The following DTNA variants were observed in gnomAD, a reference collection of about 807,000 sequenced individuals.
DTNA encodes the protein dystrobrevin alpha, also known as dystrophin-related protein 3.
Under a neutral mutation model 100.7 loss-of-function variants are expected in DTNA, and 43 were observed. The ratio of observed to expected loss-of-function variants is 0.43; its 90% CI spans 0.33 to 0.55. The LOEUF is 0.55. DTNA is among the 20% of genes least tolerant of loss of function. The probability of loss-of-function intolerance (pLI) is 0.04; values close to 1 mark genes in which losing one functional copy is unlikely to be tolerated. For synonymous variants in DTNA, 349 were observed against 347.9 expected, an observed-to-expected ratio of 1.00 and a Z score of -0.04; for missense variants, 798 against 953.9, an observed-to-expected ratio of 0.84 and a Z score of 2.15.
At chr18:34,494,093 G>A (rs992663408) in intron 1 of DTNA, 1 of 151,872 alleles carries the variant, frequency 6.6e-6, no homozygotes, top group Admixed American at 6.6e-5. Flanking sequence ...CCGCTCGGGG[G>A]GTGGCTATGG....
At chr18:34,705,964 C>T (rs61132350), upstream of DTNA, among the ~76,000 whole-genome samples, 1,173 of 151,520 alleles carry the variant, frequency 7.7e-3, 11 homozygotes, top group African/African-American at 0.026. Context: ...ATTTTTTTTT[C>T]GAGATGGAGT....
In DTNA at chr18:34,500,772, A is replaced by G. The variant is rs559071697; in HGVS notation, c.-2+7258A>G. ...AGCCACCACGCCCGGCCAGTTCTAT[A>G]TTTTTTTGACGAATCATAGTTGAGT... On this transcript the variant is annotated intron_variant, in intron 1 of 19. Coordinates refer to the DTNA transcript ENST00000283365. Among the ~76,000 whole-genome samples, 5 of 152,008 alleles carry G rather than the reference A, an allele frequency of 3.3e-5. No homozygotes were observed. In the South Asian group the frequency reaches 1.0e-3, roughly 32 times the overall value.
chr18:34,550,946 A>T (rs567674870), intron 1 of DTNA, among the ~76,000 whole-genome samples: 29 of 152,294 alleles, frequency 1.9e-4, no homozygotes, highest in African/African-American at 7.0e-4. Flanking sequence ...CATTGATGAC[A>T]TTGCATTCTG....
At chr18:34,821,117 T>A (rs1454672203) in intron 9 of DTNA, 7 of 732,196 alleles carry the variant, frequency 9.6e-6, no homozygotes, top group Non-Finnish European at 1.7e-5. Flanking sequence ...AAGTAAAGTA[T>A]GCAACACTAA....
At chr18:34,493,894 A>C (rs2038845068) in intron 1 of DTNA, 1 of 147,438 alleles carries the variant, frequency 6.8e-6, no homozygotes, top group Non-Finnish European at 1.5e-5. Flanking sequence ...AGCGCGAAGC[A>C]TGTGCCGGGC....
At chr18:34,517,629 C>CTA (rs1391145573) in intron 1 of DTNA, among the ~76,000 whole-genome samples, 1 of 152,060 alleles carries the variant, frequency 6.6e-6, no homozygotes, top group East Asian at 1.9e-4. Context: ...TCCCTAACCT[C>CTA]TGACAACCTG....
intron 3 of DTNA, among the ~76,000 whole-genome samples, chr18:34,790,813 A>C (rs1431643668): frequency 1.3e-5 from 2 of 152,214 alleles, no homozygotes; most frequent in Non-Finnish European, 2.9e-5. Context: ...CCAAACAGTA[A>C]GCGTGATAGC....
chr18:34,833,189 C>A (rs374064710), intron 11 of DTNA, among the ~76,000 whole-genome samples: 2 of 152,182 alleles, frequency 1.3e-5, no homozygotes, highest in Admixed American at 6.5e-5. Context: ...AATATAGTAA[C>A]TCAACATTAG....
chr18:34,768,304 GCC>G (rs964469775), intron 3 of DTNA, among the ~76,000 whole-genome samples: 9 of 140,288 alleles, frequency 6.4e-5, no homozygotes, highest in Admixed American at 1.4e-4. Flanking sequence ...AAGAAGGAAC[GCC>G]CCCCCAAAAA....
At chr18:34,547,706 G>A (rs1393960433) in intron 1 of DTNA, among the ~76,000 whole-genome samples, 1 of 152,096 alleles carries the variant, frequency 6.6e-6, no homozygotes, top group Non-Finnish European at 1.5e-5. Flanking sequence ...GCATCTTCAT[G>A]TATAGATATA....
intron 1 of DTNA, among the ~76,000 whole-genome samples, chr18:34,530,964 G>A (rs968280262): frequency 6.6e-6 from 1 of 152,066 alleles, no homozygotes; most frequent in African/African-American, 2.4e-5. Context: ...CCAGTTACAA[G>A]CTACAGGTGC....
At chr18:34,558,653 A>G (rs1292359099) in intron 1 of DTNA, among the ~76,000 whole-genome samples, 1 of 152,200 alleles carries the variant, frequency 6.6e-6, no homozygotes, top group Non-Finnish European at 1.5e-5. Flanking sequence ...GGAATAGGAA[A>G]GTGAAGAATT....
intron 14 of DTNA, among the ~76,000 whole-genome samples, chr18:34,849,268 G>T (rs976035725): frequency 2.0e-5 from 3 of 152,206 alleles, no homozygotes; most frequent in Admixed American, 6.5e-5. Flanking sequence ...GAGAATACAG[G>T]AGAATTAGAT....
At chr18:34,667,776 A>G (rs1264761078) in intron 1 of DTNA, among the ~76,000 whole-genome samples, 6 of 152,230 alleles carry the variant, frequency 3.9e-5, no homozygotes, top group South Asian at 2.1e-4. Flanking sequence ...GATGAAGCCA[A>G]TTTGATCATG....
In DTNA at chr18:34,890,427, G is replaced by A; in HGVS notation, c.*2693G>A. The A allele has an allele frequency of 6.5e-7, 1 of 1,536,048 alleles. No homozygotes were observed. On this transcript the variant is annotated 3_prime_UTR_variant, in exon 23 of 23. Coordinates refer to ENST00000444659, the MANE Select transcript of DTNA (RefSeq NM_001386795.1). ...TCCTTGGCTCTCCAGATTTACTTTT[G>A]GGGCCTGTTCTAAGTGCAAACCCAG...
At chr18:34,721,180 A>G (rs2146953690) in intron 1 of DTNA, among the ~76,000 whole-genome samples, 1 of 152,300 alleles carries the variant, frequency 6.6e-6, no homozygotes, top group South Asian at 2.1e-4. Context: ...TGGTTTACTA[A>G]TGCATCCTGC....
At chr18:34,493,628 C>G (rs1480822839) in intron 1 of DTNA, 1 of 150,706 alleles carries the variant, frequency 6.6e-6, no homozygotes, top group Non-Finnish European at 1.5e-5. Flanking sequence ...GCCGCGCTGC[C>G]CCCGGCCGCC....
intron 1 of DTNA, among the ~76,000 whole-genome samples, chr18:34,555,107 A>G (rs1353653902): frequency 1.2e-4 from 15 of 127,252 alleles, no homozygotes; most frequent in African/African-American, 3.2e-4. Flanking sequence ...GTCTTGGGAG[A>G]GTGTATGTGT....
At chr18:34,674,818 C>T (rs142587813) in intron 1 of DTNA, among the ~76,000 whole-genome samples, 20 of 152,170 alleles carry the variant, frequency 1.3e-4, no homozygotes, top group African/African-American at 4.6e-4. Context: ...CAGAGTTGCA[C>T]GTATTCTTAT....
Sources: allele counts gnomAD v4.1 joint callset (sites outside exome capture counted in the v4.1 genomes callset), GRCh38; gene constraint gnomAD v4.1.1; transcripts MANE v1.5; gene names NCBI Gene and HGNC (gene_info 2026-07-23, HGNC 2026-07-21).